The following VIPR2 variants were observed in gnomAD, a reference collection of about 807,000 sequenced individuals.
The protein encoded by VIPR2 is vasoactive intestinal polypeptide receptor 2.
VIPR2 carries 48 observed loss-of-function variants against 58.0 expected under a neutral mutation model. The observed-to-expected ratio is 0.83, with a 90% CI of 0.66 to 1.05. VIPR2 has a LOEUF of 1.05. VIPR2 is among the 50% of genes least tolerant of loss of function. The probability of loss-of-function intolerance (pLI) is 0.00; values close to 1 mark genes in which losing one functional copy is unlikely to be tolerated. For missense variants in VIPR2, 534 were observed against 558.0 expected, an observed-to-expected ratio of 0.96 and a Z score of 0.43; for synonymous variants, 243 against 235.2, an observed-to-expected ratio of 1.03 and a Z score of -0.30.
intron 3 of VIPR2, among the ~76,000 whole-genome samples, chr7:159,109,524 C>T (rs1436873231): frequency 6.6e-6 from 1 of 152,172 alleles, no homozygotes; most frequent in Non-Finnish European, 1.5e-5. Flanking sequence ...CCTTGCCTCC[C>T]CTCCCCTCTC....
intron 5 of VIPR2, 100 bp downstream of exon 5, chr7:159,058,381 A>G: frequency 1.1e-6 from 1 of 908,558 alleles, no homozygotes; most frequent in East Asian, 2.4e-5. Flanking sequence ...TTATTGGCTT[A>G]GCACACAGAG....
rs763238183 is a variant in VIPR2 at position 159,036,850 on chromosome 7, A to T, written c.650T>A (p.Phe217Tyr). The change falls in exon 7 of 13, where the codon TTC becomes TAC. Residue 217 changes from phenylalanine to tyrosine, a missense_variant. Coordinates refer to ENST00000262178, the MANE Select transcript of VIPR2 (RefSeq NM_003382.5). ...VFLQYCIMAN[F>Y]FWLLVEGLYL... ...GAGCCCCTCCACCAGCAGCCAGAAGAAGTTGGCCATGATGCAGTACTGCAG... is the reference window on the plus strand; with the variant it reads ...GAGCCCCTCCACCAGCAGCCAGAAGTAGTTGGCCATGATGCAGTACTGCAG... 1.9e-6 allele frequency: 3 copies of T among 1,613,996 alleles called. No homozygotes were observed. Among genetic ancestry groups the T allele is most frequent in the Non-Finnish European group, 2.5e-6 (3 of 1,179,984 alleles).
At chr7:159,106,644 GGC>G (rs1858679122) in intron 3 of VIPR2, among the ~76,000 whole-genome samples, 1 of 140,814 alleles carries the variant, frequency 7.1e-6, no homozygotes, top group Non-Finnish European at 1.5e-5. Context: ...GCCAGGGAGG[GGC>G]AGAGAGAGGC....
Position 159,036,468 on chromosome 7 carries a change from G to A in VIPR2, c.748+284C>T, listed in dbSNP as rs547179205. 4.6e-5 allele frequency among the ~76,000 whole-genome samples: 7 copies of A among 152,290 alleles called. No individual in the cohort carries two copies. The South Asian group carries it at 6.2e-4, about 14-fold the overall frequency. ...CCACCCTCAGTGAAAGGTGAAGTGG[G>A]TAGAGGCGGAGGAGGAAACCGTTTT... On this transcript the variant is annotated intron_variant, in intron 7 of 12. Transcript: ENST00000262178.
Position 159,031,902 on chromosome 7 carries a change from G to A in VIPR2, c.1102-33C>T, listed in dbSNP as rs114969561. 1.9e-4 allele frequency: 312 copies of A among 1,614,110 alleles called. No homozygotes were observed. In the African/African-American group the frequency reaches 3.6e-3, roughly 19 times the overall value. On this transcript the variant is annotated intron_variant, in intron 11 of 12. Transcript: ENST00000262178. This position sits in a 1 kb window ranked among gnomAD's most constrained non-coding sequence, Gnocchi z 4.0. ...GAGAAGAGATGGTCAGGCAGGACCC[G>A]CGCTCGGGGGAGGGCGGCCGCCTCC... is the stretch of plus-strand genomic sequence containing the variant.
chr7:159,090,571 G>A (rs1204943839), intron 4 of VIPR2, among the ~76,000 whole-genome samples: 6 of 117,244 alleles, frequency 5.1e-5, no homozygotes. Context: ...GCCACCTCTT[G>A]TGACCATCAC....
intron 5 of VIPR2, among the ~76,000 whole-genome samples, chr7:159,055,190 A>G (rs1011657922): frequency 6.6e-6 from 1 of 152,214 alleles, no homozygotes; most frequent in Non-Finnish European, 1.5e-5. Flanking sequence ...CAAAATGCTG[A>G]GTGAAAGAAC....
Position 159,034,570 on chromosome 7 carries a change from G to T in VIPR2, c.879+11C>A, listed in dbSNP as rs1418662553. ...CCACAGATAATCCACATGTCAACAG[G>T]GACTACTTACGATGATGGAAATTAA... On this transcript the variant is annotated intron_variant, in intron 9 of 12. Transcript: ENST00000262178. 6.2e-7 allele frequency: 1 copy of T among 1,611,480 alleles called. No homozygotes were observed. Among genetic ancestry groups the T allele is most frequent in the South Asian group, 1.1e-5 (1 of 90,988 alleles).
intron 4 of VIPR2, among the ~76,000 whole-genome samples, chr7:159,073,792 T>G (rs1472545196): frequency 6.6e-6 from 1 of 152,182 alleles, no homozygotes; most frequent in African/African-American, 2.4e-5. Flanking sequence ...CAGTGCCACA[T>G]GGAGTGGGGG....
intron 4 of VIPR2, among the ~76,000 whole-genome samples, chr7:159,063,824 CCGGGGG>C (rs1563288776): frequency 3.8e-5 from 3 of 78,446 alleles, no homozygotes; most frequent in African/African-American, 6.6e-5. Flanking sequence ...CTGGTGGGGT[CCGGGGG>C]TCCTGGTGGG....
intron 4 of VIPR2, among the ~76,000 whole-genome samples, chr7:159,082,703 T>C (rs17837871): frequency 0.099 from 15,087 of 152,166 alleles, 1,911 homozygotes; most frequent in African/African-American, 0.3. Flanking sequence ...GTTTCTAAGG[T>C]AGTAGAATAG....
chr7:159,100,683 C>T (rs1265442796), intron 4 of VIPR2, among the ~76,000 whole-genome samples: 7 of 152,232 alleles, frequency 4.6e-5, no homozygotes, highest in Admixed American at 1.3e-4. Context: ...TCATGCAGGC[C>T]GTTCCCCTGA....
chr7:159,117,463 G>A lies in VIPR2; in HGVS notation c.152-7544C>T, dbSNP rs1411263641. On this transcript the variant is annotated intron_variant, in intron 2 of 12. Transcript: ENST00000262178. Reference sequence around the variant, plus strand: ...GAAACATAGTGCCGCACCACACAAAGGCAATGCAGGACGTCATCTCAGAGG... The same window carrying A: ...GAAACATAGTGCCGCACCACACAAAAGCAATGCAGGACGTCATCTCAGAGG... The A allele has an allele frequency of 2.0e-5, 14 of 714,536 alleles. No individual in the cohort carries two copies. In the Admixed American group the frequency reaches 2.8e-4, roughly 14 times the overall value. 44.3% of individuals were successfully genotyped at this position (714,536 alleles called of 1,614,324 possible). A position where few individuals can be genotyped will look rare whatever the true frequency, so the allele number is the denominator to read the frequency against.
chr7:159,052,663 G>A (rs140277996), intron 5 of VIPR2, among the ~76,000 whole-genome samples: 95 of 152,262 alleles, frequency 6.2e-4, no homozygotes, highest in African/African-American at 2.1e-3. Context: ...ATCAAGCTGA[G>A]TTCAGCTATA....
rs570874933 is a variant in VIPR2, at chr7:159,054,920, G to A, written c.455+3561C>T. On this transcript the variant is annotated intron_variant, in intron 5 of 12. Coordinates refer to ENST00000262178, the MANE Select transcript of VIPR2 (RefSeq NM_003382.5). ...AAGACTAACTCTATGTATAGCCTAT[G>A]ACCAGTAAATATAAGATAAACACAA... is the stretch of plus-strand genomic sequence containing the variant. Among the ~76,000 whole-genome samples the A allele has an allele frequency of 3.9e-5, 6 of 152,258 alleles. No homozygotes were observed. In the South Asian group the frequency reaches 1.2e-3, roughly 32 times the overall value.
intron 2 of VIPR2, among the ~76,000 whole-genome samples, chr7:159,140,735 A>G (rs1217775505): frequency 6.6e-6 from 1 of 152,210 alleles, no homozygotes. Flanking sequence ...GGGCTGAGTG[A>G]CTGCCTGGGA....
intron 2 of VIPR2, among the ~76,000 whole-genome samples, chr7:159,119,301 C>A: frequency 6.6e-6 from 1 of 152,342 alleles, no homozygotes; most frequent in African/African-American, 2.4e-5. Context: ...TGCTCCTCTG[C>A]AGAACAGAGA....
chr7:159,063,730 C>CT (rs1006544134), intron 4 of VIPR2, among the ~76,000 whole-genome samples: 2 of 66,874 alleles, frequency 3.0e-5, no homozygotes, highest in East Asian at 4.5e-4. Flanking sequence ...CCTGGCGGGT[C>CT]GGAGGGCCTG....
At position 159,093,985 on chromosome 7, in the gene VIPR2, G is replaced by A. The variant is rs1857667928; in HGVS notation, c.357+9772C>T. On this transcript the variant is annotated intron_variant, in intron 4 of 12. Transcript: ENST00000262178. This position sits in a 1 kb window ranked among gnomAD's most constrained non-coding sequence, Gnocchi z 6.7. ...AGCTGAAGGGTAGGATGGGGAACAG[G>A]CTCACATCTGTGATGGGAAAGTCTG... 6.6e-6 allele frequency among the ~76,000 whole-genome samples: 1 copy of A among 152,220 alleles called. No homozygotes were observed. The highest frequency in any genetic ancestry group is 6.5e-5 in the Admixed American group (1 of 15,276).
Sources: allele counts gnomAD v4.1 joint callset (sites outside exome capture counted in the v4.1 genomes callset), GRCh38; gene constraint gnomAD v4.1.1; non-coding constraint Gnocchi (gnomAD v3.1); transcripts MANE v1.5; gene names NCBI Gene and HGNC (gene_info 2026-07-23, HGNC 2026-07-21).